LCLAT1: variants seen among roughly 807,000 people sequenced by gnomAD.
LCLAT1 encodes 1-AGP acyltransferase 8.
In LCLAT1, 11 loss-of-function variants were observed where a neutral mutation model predicts 30.7. The ratio of observed to expected loss-of-function variants is 0.36; its 90% CI spans 0.23 to 0.59. LCLAT1 has a LOEUF of 0.59. Among genes scored for constraint, LCLAT1 ranks in the 20% least tolerant of loss-of-function variants. The probability of loss-of-function intolerance (pLI) is 0.77; values close to 1 mark genes in which losing one functional copy is unlikely to be tolerated. For missense variants in LCLAT1, 402 were observed against 458.6 expected (o/e 0.88, Z 1.13); for synonymous variants, 155 against 151.3 (o/e 1.02, Z -0.18).
In LCLAT1 at chr2:30,643,859, G is replaced by A. The variant is rs1238771572; in HGVS notation, c.*3240G>A. 6.6e-6 allele frequency: 1 copy of A among 152,600 alleles called. No homozygotes were observed. Among genetic ancestry groups the A allele is most frequent in the Non-Finnish European group, 1.5e-5 (1 of 68,024 alleles). 9.5% of individuals were successfully genotyped at this position (152,600 alleles called of 1,614,324 possible). On this transcript the variant is annotated 3_prime_UTR_variant, in exon 6 of 6. Coordinates refer to ENST00000379509, the MANE Select transcript of LCLAT1 (RefSeq NM_001002257.3). ...CTCTTTTTGCTACTGAAAGGGAAATGGTCTCTAAACACTGGTCACTGTAGC... is the reference window on the plus strand; with the variant it reads ...CTCTTTTTGCTACTGAAAGGGAAATAGTCTCTAAACACTGGTCACTGTAGC...
At chr2:30,549,541 G>A (rs1011123667) in intron 3 of LCLAT1, among the ~76,000 whole-genome samples, 16 of 152,142 alleles carry the variant, frequency 1.1e-4, no homozygotes, top group African/African-American at 3.1e-4. Context: ...TGGTGGAAAA[G>A]CACAAATGAA....
At chr2:30,491,567 C>T (rs1471780353) in intron 1 of LCLAT1, among the ~76,000 whole-genome samples, 1 of 152,152 alleles carries the variant, frequency 6.6e-6, no homozygotes, top group Non-Finnish European at 1.5e-5. Flanking sequence ...TTCTGACTCT[C>T]ATGATTTTGT....
At chr2:30,457,343 C>T (rs1296406565) in intron 1 of LCLAT1, among the ~76,000 whole-genome samples, 1 of 152,116 alleles carries the variant, frequency 6.6e-6, no homozygotes, top group African/African-American at 2.4e-5. Context: ...AAGTCTGAAA[C>T]CTAACAAAAG....
intron 1 of LCLAT1, among the ~76,000 whole-genome samples, chr2:30,512,388 T>C (rs573297141): frequency 4.1e-4 from 63 of 152,330 alleles, no homozygotes; most frequent in African/African-American, 1.5e-3. Flanking sequence ...CTGGACACGC[T>C]CTCCATTCTT....
intron 5 of LCLAT1, among the ~76,000 whole-genome samples, chr2:30,638,646 T>C (rs1205759133): frequency 1.3e-5 from 2 of 152,182 alleles, no homozygotes; most frequent in Non-Finnish European, 2.9e-5. Flanking sequence ...TATAAAGAAT[T>C]GGATTAAGTG....
At chr2:30,615,636 A>G (rs1048491822) in intron 5 of LCLAT1, among the ~76,000 whole-genome samples, 2 of 152,168 alleles carry the variant, frequency 1.3e-5, no homozygotes, top group Non-Finnish European at 2.9e-5. Context: ...ATAGGCTCAA[A>G]TAAGTTTCTG....
At chr2:30,630,732 C>T (rs1464237249) in intron 5 of LCLAT1, among the ~76,000 whole-genome samples, 1 of 152,192 alleles carries the variant, frequency 6.6e-6, no homozygotes, top group African/African-American at 2.4e-5. Flanking sequence ...GTCCATTTCT[C>T]AGCATTGGCT....
intron 1 of LCLAT1, among the ~76,000 whole-genome samples, chr2:30,517,374 G>A (rs906405054): frequency 7.9e-5 from 12 of 152,148 alleles, no homozygotes; most frequent in Non-Finnish European, 1.0e-4. Flanking sequence ...GGTGGGACCC[G>A]TTCCTCACCA....
chr2:30,462,945 C>A (rs555832567), intron 1 of LCLAT1, among the ~76,000 whole-genome samples: 1 of 152,144 alleles, frequency 6.6e-6, no homozygotes, highest in African/African-American at 2.4e-5. Context: ...GAACTCACAT[C>A]ATTATACCCA....
At chr2:30,511,784 T>G (rs140421148) in intron 1 of LCLAT1, among the ~76,000 whole-genome samples, 3 of 152,310 alleles carry the variant, frequency 2.0e-5, no homozygotes, top group African/African-American at 7.2e-5. Flanking sequence ...ACATGCAAGT[T>G]TATGCTGCGG....
At chr2:30,586,699 A>G (rs1666457367) in intron 5 of LCLAT1, among the ~76,000 whole-genome samples, 1 of 152,112 alleles carries the variant, frequency 6.6e-6, no homozygotes, top group Non-Finnish European at 1.5e-5. Flanking sequence ...CATTCTCTGC[A>G]GTAGCAATTT....
intron 1 of LCLAT1, among the ~76,000 whole-genome samples, chr2:30,455,242 G>T (rs1312801789): frequency 6.6e-6 from 1 of 152,046 alleles, no homozygotes; most frequent in East Asian, 1.9e-4. Flanking sequence ...TTTCTCTTTT[G>T]TATTTGTACT....
In LCLAT1 at chr2:30,579,717, A is replaced by C. The variant is rs550955873; in HGVS notation, c.628+11541A>C. ...AGAACTAAGTTAGAGAAGTAGTCTT[A>C]GTTGTCATGAAGTCTCACTTCTAAC... On this transcript the variant is annotated intron_variant, in intron 5 of 5. Transcript: ENST00000379509. Among the ~76,000 whole-genome samples the C allele has an allele frequency of 8.6e-4, 131 of 152,302 alleles. 1 individual carries two copies. The highest frequency in any genetic ancestry group is 3.1e-3 in the African/African-American group (129 of 41,562).
Position 30,643,450 on chromosome 2 carries a change from A to C in LCLAT1, c.*2831A>C, listed in dbSNP as rs1669420744. The stretch of plus-strand genomic sequence containing the variant: ...TTGATAAAAGACTCAAATAAATGTT[A>C]GAAAGAGCCCGTAATTTTAGGACTC... On this transcript the variant is annotated 3_prime_UTR_variant, in exon 6 of 6. Transcript: ENST00000379509. 6.8e-6 allele frequency: 1 copy of C among 146,618 alleles called. No individual in the cohort carries two copies. The highest frequency in any genetic ancestry group is 1.5e-5 in the Non-Finnish European group (1 of 67,084). The allele number at this position is 146,618 out of a possible 1,614,324, so 9.1% of individuals were successfully genotyped here. A position where few individuals can be genotyped will look rare whatever the true frequency, so the allele number is the denominator to read the frequency against.
At chr2:30,605,643 A>C (rs1391620059) in intron 5 of LCLAT1, among the ~76,000 whole-genome samples, 1 of 152,194 alleles carries the variant, frequency 6.6e-6, no homozygotes, top group Non-Finnish European at 1.5e-5. Flanking sequence ...TCTCACTAAG[A>C]GTGAAATATA....
At chr2:30,466,354 A>G (rs567305969) in intron 1 of LCLAT1, among the ~76,000 whole-genome samples, 15 of 151,296 alleles carry the variant, frequency 9.9e-5, no homozygotes, top group Middle Eastern at 3.4e-3. Flanking sequence ...TTGGCTTCCC[A>G]AAGTGCTGGG....
intron 1 of LCLAT1, among the ~76,000 whole-genome samples, chr2:30,456,467 G>A (rs1052265194): frequency 6.6e-6 from 1 of 151,826 alleles, no homozygotes; most frequent in Admixed American, 6.6e-5. Context: ...CCCCTGAAAG[G>A]ATAAGGGGTA....
intron 5 of LCLAT1, among the ~76,000 whole-genome samples, chr2:30,621,868 G>C (rs1398788605): frequency 2.6e-5 from 4 of 152,190 alleles, no homozygotes; most frequent in African/African-American, 9.6e-5. Flanking sequence ...GCTGAACTTT[G>C]TAACAACTTT....
intron 1 of LCLAT1, among the ~76,000 whole-genome samples, chr2:30,501,383 A>C (rs1684379984): frequency 6.6e-6 from 1 of 152,204 alleles, no homozygotes; most frequent in African/African-American, 2.4e-5. Context: ...AACTTTAAAA[A>C]AGTCTTTTAT....
Sources: gnomAD v4.1 joint callset for allele counts (sites outside exome capture counted in the v4.1 genomes callset) on GRCh38, gnomAD v4.1.1 for gene constraint, MANE v1.5 for transcripts, NCBI Gene and HGNC (gene_info 2026-07-23, HGNC 2026-07-21) for gene names.